The following ADCY2 variants were observed in gnomAD, a reference collection of about 807,000 sequenced individuals.
ADCY2 encodes the protein adenylate cyclase 2.
Under a neutral mutation model 125.2 loss-of-function variants are expected in ADCY2, and 31 were observed. The ratio of observed to expected loss-of-function variants is 0.25; its 90% confidence interval spans 0.19 to 0.33. ADCY2 has a LOEUF of 0.33. Ranked by LOEUF, ADCY2 falls within the 10% of genes least tolerant of loss-of-function variation. The pLI is 1.00. For synonymous variants in ADCY2, 512 were observed against 548.4 expected, an observed-to-expected ratio of 0.93 and a Z score of 0.93; for missense variants, 904 against 1,418.2, an observed-to-expected ratio of 0.64 and a Z score of 5.82.
intron 4 of ADCY2, among the ~76,000 whole-genome samples, chr5:7,686,372 G>C (rs191815756): frequency 2.4e-3 from 359 of 152,228 alleles, no homozygotes; most frequent in Non-Finnish European, 3.9e-3. Context: ...TCTTATATCA[G>C]ACATAATTTA....
intron 16 of ADCY2, among the ~76,000 whole-genome samples, chr5:7,759,311 G>A (rs1020061740): frequency 6.6e-6 from 1 of 152,156 alleles, no homozygotes; most frequent in Non-Finnish European, 1.5e-5. Flanking sequence ...CCAGGCATGC[G>A]GGCCACTGAA....
At chr5:7,784,330 C>T (rs764930134) in intron 18 of ADCY2, 35 bp from the exon 19 acceptor site, 1 of 1,484,170 alleles carries the variant, frequency 6.7e-7, no homozygotes, top group Non-Finnish European at 9.4e-7. Flanking sequence ...TGTTTTGTTG[C>T]ATTGTTGTCT....
At chr5:7,702,097 A>G (rs547351031) in intron 7 of ADCY2, among the ~76,000 whole-genome samples, 1 of 152,194 alleles carries the variant, frequency 6.6e-6, no homozygotes, top group South Asian at 2.1e-4. Context: ...TGATCAATAA[A>G]ATGGTTATTT....
chr5:7,712,900 G>A lies in ADCY2; in HGVS notation c.1622+1G>A. The A allele has an allele frequency of 6.2e-7, 1 of 1,600,598 alleles. No homozygotes were observed. The highest frequency in any genetic ancestry group is 8.6e-7 in the Non-Finnish European group (1 of 1,168,470). On this transcript the variant is annotated splice_donor_variant, in intron 11 of 24. Transcript: ENST00000338316. LOFTEE classifies it high-confidence loss of function. ...ATAATTTTCAAAATCGCACCTTAAG[G>A]TATGGTATCTCTCTATCTGATTTTT... is the stretch of plus-strand genomic sequence containing the variant.
chr5:7,558,962 G>GT (rs1561093878), intron 3 of ADCY2, among the ~76,000 whole-genome samples: 1 of 152,012 alleles, frequency 6.6e-6, no homozygotes, highest in Non-Finnish European at 1.5e-5. Flanking sequence ...TTTTTGTCAG[G>GT]TTTGTCAAAG....
chr5:7,783,724 C>T (rs901961959), intron 18 of ADCY2, among the ~76,000 whole-genome samples: 1 of 152,144 alleles, frequency 6.6e-6, no homozygotes, highest in African/African-American at 2.4e-5. Flanking sequence ...GTGCTCACTG[C>T]CTGGAATGTG....
chr5:7,423,964 G>T (rs1201266502), intron 2 of ADCY2, among the ~76,000 whole-genome samples: 1 of 152,224 alleles, frequency 6.6e-6, no homozygotes. Flanking sequence ...GTGTTAAGGA[G>T]TCCGATGTAA....
At chr5:7,509,941 G>C (rs1450271537) in intron 2 of ADCY2, among the ~76,000 whole-genome samples, 2 of 152,132 alleles carry the variant, frequency 1.3e-5, no homozygotes, top group Non-Finnish European at 2.9e-5. Flanking sequence ...AGATGGTCAG[G>C]TATTGAATAA....
At chr5:7,549,123 G>A (rs1286674736) in intron 3 of ADCY2, among the ~76,000 whole-genome samples, 1 of 152,212 alleles carries the variant, frequency 6.6e-6, no homozygotes, top group Non-Finnish European at 1.5e-5. Context: ...GGGACCATCA[G>A]TGCCATGAAG....
At chr5:7,521,081 A>G (rs1579531515) in intron 3 of ADCY2, among the ~76,000 whole-genome samples, 182 bp downstream of exon 3, 1 of 152,344 alleles carries the variant, frequency 6.6e-6, no homozygotes, top group East Asian at 1.9e-4. Flanking sequence ...CATTGGTGGG[A>G]TCAACAGTCA....
intron 3 of ADCY2, among the ~76,000 whole-genome samples, chr5:7,522,842 C>T (rs1227376398): frequency 6.7e-6 from 1 of 149,902 alleles, no homozygotes; most frequent in Non-Finnish European, 1.5e-5. Flanking sequence ...AGCAGAATGG[C>T]GTGAACCCAG....
intron 14 of ADCY2, among the ~76,000 whole-genome samples, chr5:7,736,745 A>C (rs964655505): frequency 1.3e-5 from 2 of 152,166 alleles, no homozygotes; most frequent in Admixed American, 6.5e-5. Flanking sequence ...ATTGAAATGC[A>C]TTTTAGGAAA....
intron 2 of ADCY2, among the ~76,000 whole-genome samples, chr5:7,486,859 A>G (rs1200482069): frequency 1.3e-5 from 2 of 152,188 alleles, no homozygotes; most frequent in Non-Finnish European, 2.9e-5. Flanking sequence ...GCACAGGTCC[A>G]AGGTAGGCAA....
chr5:7,513,106 CAGAGAG>C (rs1554015691), intron 2 of ADCY2, among the ~76,000 whole-genome samples: 86 of 138,538 alleles, frequency 6.2e-4, no homozygotes, highest in African/African-American at 1.9e-3. Flanking sequence ...CACACACACA[CAGAGAG>C]AGAGAGAGAG....
chr5:7,725,623 T>A (rs920126737), intron 13 of ADCY2, among the ~76,000 whole-genome samples: 2 of 152,198 alleles, frequency 1.3e-5, no homozygotes, highest in Admixed American at 1.3e-4. Flanking sequence ...AATGGCTACT[T>A]ATTGCTTAGC....
At chr5:7,698,126 T>C (rs552842052) in intron 6 of ADCY2, 121 bp from the exon 7 acceptor site, 5 of 1,229,974 alleles carry the variant, frequency 4.1e-6, no homozygotes, top group African/African-American at 3.0e-5. Context: ...CTGGTTCTCA[T>C]TGCTCTCTCC....
intron 2 of ADCY2, among the ~76,000 whole-genome samples, chr5:7,487,589 A>T (rs1311414952): frequency 1.3e-5 from 2 of 152,154 alleles, no homozygotes; most frequent in East Asian, 3.9e-4. Flanking sequence ...CTGATGAGCC[A>T]TGTTGGATCT....
intron 2 of ADCY2, among the ~76,000 whole-genome samples, chr5:7,504,024 G>A (rs1743704679): frequency 1.3e-5 from 2 of 152,066 alleles, no homozygotes; most frequent in African/African-American, 2.4e-5. Context: ...TTTCACTGAG[G>A]TTTTGGCTGT....
At chr5:7,776,039 C>T (rs1743714210) in intron 18 of ADCY2, among the ~76,000 whole-genome samples, 1 of 152,158 alleles carries the variant, frequency 6.6e-6, no homozygotes, top group South Asian at 2.1e-4. Context: ...CCCTGTGACT[C>T]ATGCCAGAGG....
Sources: gnomAD v4.1 joint callset for allele counts (sites outside exome capture counted in the v4.1 genomes callset) on GRCh38, gnomAD v4.1.1 for gene constraint, MANE v1.5 for transcripts, NCBI Gene and HGNC (gene_info 2026-07-23, HGNC 2026-07-21) for gene names.